The following PCBP3 variants were observed in gnomAD, a reference collection of about 807,000 sequenced individuals.
The protein encoded by PCBP3 is poly(rC) binding protein 3.
A neutral mutation model predicts 52.7 loss-of-function variants in PCBP3; 25 were observed. That is an observed-to-expected ratio of 0.47 (90% CI 0.35 to 0.66). The LOEUF (loss-of-function observed/expected upper bound fraction) is 0.66. Among genes scored for constraint, PCBP3 ranks in the 30% least tolerant of loss-of-function variants. PCBP3 has a pLI of 0.01. For missense variants in PCBP3, 391 were observed against 490.3 expected (o/e 0.80, Z 1.91); for synonymous variants, 162 against 183.0 (o/e 0.89, Z 0.93).
Position 45,930,793 on chromosome 21 carries a change from G to A in PCBP3, c.804G>A (p.Lys268=), listed in dbSNP as rs148366893. Residue 268 remains lysine (K), a synonymous_variant, in exon 15 of 18, where the codon AAG becomes AAA. Coordinates refer to ENST00000681687, the MANE Select transcript of PCBP3 (RefSeq NM_001384156.1). The stretch of plus-strand genomic sequence containing the variant: ...CTCTTCTTTGCTCTCCAGGAGAAAA[G>A]CTGCCTTTACACTCCTCCGAAGAAG... ...GQTNPAFPGE[K]LPLHSSEEAQ... 1.6e-3 allele frequency: 2,223 copies of A among 1,372,870 alleles called. 6 individuals are homozygous for A. The highest frequency in any genetic ancestry group is 2.1e-3 in the Non-Finnish European group (1,983 of 959,668). The allele number at this position is 1,372,870 out of a possible 1,614,324, so 85.0% of individuals were successfully genotyped here.
intron 2 of PCBP3, among the ~76,000 whole-genome samples, chr21:45,677,395 G>A (rs1265350108): frequency 6.6e-6 from 1 of 152,226 alleles, no homozygotes; most frequent in Non-Finnish European, 1.5e-5. Flanking sequence ...GGAAGATATA[G>A]GAGAATTTGA....
In PCBP3 at chr21:45,741,874, A is replaced by G. The variant is rs1014159246; in HGVS notation, c.-162+6445A>G. On this transcript the variant is annotated intron_variant, in intron 3 of 17. Transcript: ENST00000681687. This position sits in a 1 kb window ranked among gnomAD's most constrained non-coding sequence, Gnocchi z 4.5. ...TCTCCTCAGGTTGCTTGAGCTCTGCAGCGTTAGGCCTGGTGAGCGCCTCTT... is the reference window on the plus strand; with the variant it reads ...TCTCCTCAGGTTGCTTGAGCTCTGCGGCGTTAGGCCTGGTGAGCGCCTCTT... Among the ~76,000 whole-genome samples, 1 of 152,234 alleles carries G rather than the reference A, an allele frequency of 6.6e-6. No individual in the cohort carries two copies. Among genetic ancestry groups the G allele is most frequent in the African/African-American group, 2.4e-5 (1 of 41,560 alleles).
rs2096140564 is a variant in PCBP3, at chr21:45,904,193, G to A, written c.339+3080G>A. ...CATTTGTCATCTCTGCCGCAGCAGG[G>A]CAGAGTCGAGTATCAGGAATTCCTA... On this transcript the variant is annotated intron_variant, in intron 9 of 17. Transcript: ENST00000681687. The surrounding 1 kb of genome is among the most constrained non-coding windows in gnomAD (Gnocchi z 4.8). 6.6e-6 allele frequency among the ~76,000 whole-genome samples: 1 copy of A among 152,184 alleles called. No homozygotes were observed. Among genetic ancestry groups the A allele is most frequent in the South Asian group, 2.1e-4 (1 of 4,832 alleles).
rs115931510 is a variant in PCBP3, at chr21:45,843,907, A to G, written c.-125-6054A>G. ...CTATCATGTTGTTTGTGCTGTTAATATATTCTGCATCTTTATTACTTTTGT... is the reference window on the plus strand; with the variant it reads ...CTATCATGTTGTTTGTGCTGTTAATGTATTCTGCATCTTTATTACTTTTGT... On this transcript the variant is annotated intron_variant, in intron 4 of 17. Coordinates refer to ENST00000681687, the MANE Select transcript of PCBP3 (RefSeq NM_001384156.1). Among the ~76,000 whole-genome samples, 597 of 152,236 alleles carry G rather than the reference A, an allele frequency of 3.9e-3. 10 individuals carry two copies. Among genetic ancestry groups the G allele is most frequent in the African/African-American group, 0.013 (559 of 41,520 alleles).
rs2095380977 is a variant in PCBP3 at position 45,880,704 on chromosome 21, G to A, written c.11-15504G>A. 6.6e-6 allele frequency among the ~76,000 whole-genome samples: 1 copy of A among 152,154 alleles called. No individual in the cohort carries two copies. On this transcript the variant is annotated intron_variant, in intron 5 of 17. Coordinates refer to ENST00000681687, the MANE Select transcript of PCBP3 (RefSeq NM_001384156.1). The surrounding 1 kb of genome is among the most constrained non-coding windows in gnomAD (Gnocchi z 5.4). ...AGGGTGGCCCCAGGTGACTGCAGCA[G>A]GGCCAGGAGAGACGGGGTTGTAGGT...
chr21:45,930,722 T>G, intron 14 of PCBP3, 64 bp from the exon 15 acceptor site: 2 of 803,856 alleles, frequency 2.5e-6, no homozygotes, highest in Non-Finnish European at 4.4e-6. Flanking sequence ...CTTCCCTAGT[T>G]GAAGGGACCC....
At position 45,901,113 on chromosome 21, in the gene PCBP3, G is replaced by A; in HGVS notation, c.339G>A (p.Glu113=). The change falls in exon 9 of 18, where the codon GAG becomes GAA. Residue 113 remains glutamate, a splice_region_variant and synonymous_variant. Transcript: ENST00000681687. ...CCATGATCGCATACAAGTTTGAGGA[G>A]GTAACCTGCACCCCAGGCACCTCTG... ...AFAMIAYKFE[E]DIINSMSNSP... 6.2e-7 allele frequency: 1 copy of A among 1,602,532 alleles called. No homozygotes were observed. The highest frequency in any genetic ancestry group is 1.1e-5 in the South Asian group (1 of 90,858).
At chr21:45,899,430 C>A (rs1449983089) in intron 6 of PCBP3, among the ~76,000 whole-genome samples, 169 bp from the exon 7 acceptor site, 1 of 152,038 alleles carries the variant, frequency 6.6e-6, no homozygotes, top group African/African-American at 2.4e-5. Flanking sequence ...CTTGTACACA[C>A]ACCCCTCCCC....
At position 45,821,445 on chromosome 21, in the gene PCBP3, G is replaced by C. The variant is rs1413393838; in HGVS notation, c.-125-28516G>C. 8.0e-6 allele frequency among the ~76,000 whole-genome samples: 1 copy of C among 125,640 alleles called. No individual in the cohort carries two copies. Among genetic ancestry groups the C allele is most frequent in the African/African-American group, 3.1e-5 (1 of 31,906 alleles). The allele number at this position is 125,640 out of a possible 152,430, so 82.4% of individuals were successfully genotyped here. A position where few individuals can be genotyped will look rare whatever the true frequency, so the allele number is the denominator to read the frequency against. On this transcript the variant is annotated intron_variant, in intron 4 of 17. Coordinates refer to ENST00000681687, the MANE Select transcript of PCBP3 (RefSeq NM_001384156.1). This position sits in a 1 kb window ranked among gnomAD's most constrained non-coding sequence, Gnocchi z 4.4. The stretch of plus-strand genomic sequence containing the variant: ...CCCCCTGCACCGTGCTGTGGGCCCC[G>C]CACCTTCCCCCAACTCTTTTCTAGA...
At chr21:45,789,891 C>G (rs8128722) in intron 4 of PCBP3, among the ~76,000 whole-genome samples, 29,548 of 151,962 alleles carry the variant, frequency 0.19, 3,116 homozygotes, top group Middle Eastern at 0.33. Context: ...TGTAATCCCA[C>G]CACTTTGGGA....
Position 45,911,016 on chromosome 21 carries a change from G to A in PCBP3, c.586G>A (p.Val196Met). Reference sequence around the variant, plus strand: ...CATCCAGTGCGTCAAGCAGATCTGTGTGGTCATGCTGGAGGTACCGTCTGC... The same window carrying A: ...CATCCAGTGCGTCAAGCAGATCTGTATGGTCATGCTGGAGGTACCGTCTGC... ...AIIQCVKQICVVMLESPPKGA... is the reference protein window; with the variant it reads ...AIIQCVKQICMVMLESPPKGA... Residue 196 changes from valine (V) to methionine (M), a missense_variant, in exon 11 of 18, where the codon GTG (valine) becomes ATG (methionine). Coordinates refer to ENST00000681687, the MANE Select transcript of PCBP3 (RefSeq NM_001384156.1). 6.2e-7 allele frequency: 1 copy of A among 1,610,954 alleles called. No individual in the cohort carries two copies. The highest frequency in any genetic ancestry group is 8.5e-7 in the Non-Finnish European group (1 of 1,179,972).
intron 16 of PCBP3, among the ~76,000 whole-genome samples, chr21:45,939,008 G>A (rs2077171703): frequency 6.6e-6 from 1 of 152,222 alleles, no homozygotes; most frequent in African/African-American, 2.4e-5. Flanking sequence ...TCTTACTGGT[G>A]TAAGGACAGA....
At chr21:45,701,497 T>A (rs1232497043) in intron 2 of PCBP3, among the ~76,000 whole-genome samples, 2 of 152,230 alleles carry the variant, frequency 1.3e-5, no homozygotes, top group African/African-American at 2.4e-5. Flanking sequence ...TATTCAGAAA[T>A]TCATTTACAA....
chr21:45,937,694 G>C (rs1462925132), intron 16 of PCBP3, among the ~76,000 whole-genome samples: 1 of 152,244 alleles, frequency 6.6e-6, no homozygotes, highest in African/African-American at 2.4e-5. Flanking sequence ...CTGCTGGCAG[G>C]GTTTGCAGGT....
At chr21:45,753,835 G>A (rs2146392446) in intron 3 of PCBP3, among the ~76,000 whole-genome samples, 1 of 152,194 alleles carries the variant, frequency 6.6e-6, no homozygotes, top group East Asian at 1.9e-4. Context: ...GACTTGAATG[G>A]CATTTTCATT....
chr21:45,940,838 G>A (rs918801026), intron 17 of PCBP3, among the ~76,000 whole-genome samples: 10 of 59,184 alleles, frequency 1.7e-4, no homozygotes, highest in South Asian at 9.1e-4. Flanking sequence ...CACCAGCCCC[G>A]CCGGCCTCTG....
At chr21:45,875,733 C>T (rs1401649088) in intron 5 of PCBP3, among the ~76,000 whole-genome samples, 1 of 152,252 alleles carries the variant, frequency 6.6e-6, no homozygotes, top group Non-Finnish European at 1.5e-5. Flanking sequence ...GCCTCTCCTC[C>T]TCATGCCCAC....
At chr21:45,675,348 T>A (rs1489849423) in intron 2 of PCBP3, among the ~76,000 whole-genome samples, 1 of 152,176 alleles carries the variant, frequency 6.6e-6, no homozygotes, top group East Asian at 1.9e-4. Context: ...TAAGTGAACA[T>A]GTCCCTACAG....
chr21:45,867,290 A>G (rs1191168979), intron 5 of PCBP3, among the ~76,000 whole-genome samples: 1 of 152,256 alleles, frequency 6.6e-6, no homozygotes, highest in Non-Finnish European at 1.5e-5. Flanking sequence ...CTCGCAGGAC[A>G]GCGATGGAGC....
Sources: gnomAD v4.1 joint callset for allele counts (sites outside exome capture counted in the v4.1 genomes callset) on GRCh38, gnomAD v4.1.1 for gene constraint, Gnocchi (gnomAD v3.1) non-coding constraint, MANE v1.5 for transcripts, NCBI Gene and HGNC (gene_info 2026-07-23, HGNC 2026-07-21) for gene names.